The following LHFPL3 variants were observed in gnomAD, a reference collection of about 807,000 sequenced individuals.
LHFPL3 encodes the protein LHFPL tetraspan subfamily member 3, also known as LHFPL tetraspan subfamily member 3 protein.
A neutral mutation model predicts 19.3 loss-of-function variants in LHFPL3; 5 were observed. The ratio of observed to expected loss-of-function variants is 0.26; its 90% CI spans 0.14 to 0.54. LHFPL3 has a LOEUF of 0.54. Ranked by LOEUF, LHFPL3 falls within the 20% of genes least tolerant of loss-of-function variation. The pLI, the probability that LHFPL3 is intolerant of heterozygous loss-of-function variation, is 0.94. For synonymous variants in LHFPL3, 133 were observed against 126.2 expected (o/e 1.05, Z -0.36); for missense variants, 249 against 307.4 (o/e 0.81, Z 1.42).
intron 1 of LHFPL3, among the ~76,000 whole-genome samples, chr7:104,521,183 T>C (rs1794051209): frequency 6.6e-6 from 1 of 152,156 alleles, no homozygotes; most frequent in African/African-American, 2.4e-5. Flanking sequence ...ACATCTTTAT[T>C]TCTGCCTTCA....
chr7:104,679,470 G>A (rs1325890511), intron 1 of LHFPL3, among the ~76,000 whole-genome samples: 2 of 152,206 alleles, frequency 1.3e-5, no homozygotes, highest in African/African-American at 4.8e-5. Context: ...CCTCTCAAAG[G>A]CTGTATCAAG....
rs189516368 is a variant in LHFPL3 at position 104,686,756 on chromosome 7, C to T, written c.446-49919C>T. Among the ~76,000 whole-genome samples, 82 of 152,304 alleles carry T rather than the reference C, an allele frequency of 5.4e-4. No individual in the cohort carries two copies. The South Asian group carries it at 9.8e-3, about 18-fold the overall frequency. ...ATTTTCACGCTGCTATGAAGAAATACCTGAGACTGGGTAATTTATAAAGGA... is the reference window on the plus strand; with the variant it reads ...ATTTTCACGCTGCTATGAAGAAATATCTGAGACTGGGTAATTTATAAAGGA... On this transcript the variant is annotated intron_variant, in intron 1 of 2. Coordinates refer to ENST00000424859, the MANE Select transcript of LHFPL3 (RefSeq NM_199000.3).
chr7:104,679,002 T>C (rs947555517), intron 1 of LHFPL3, among the ~76,000 whole-genome samples: 3 of 152,252 alleles, frequency 2.0e-5, no homozygotes, highest in Admixed American at 2.0e-4. Flanking sequence ...TTATTAGTTA[T>C]TTATTGTTAC....
intron 1 of LHFPL3, among the ~76,000 whole-genome samples, chr7:104,728,289 C>T (rs908290864): frequency 1.3e-5 from 2 of 152,090 alleles, no homozygotes. Context: ...TGCGGTAAGG[C>T]AAGAGTTATA....
chr7:104,859,698 G>A (rs1057337458), intron 2 of LHFPL3, among the ~76,000 whole-genome samples: 7 of 152,128 alleles, frequency 4.6e-5, no homozygotes, highest in Non-Finnish European at 8.8e-5. Context: ...AGTATAAGTA[G>A]AGGTATGAAT....
intron 1 of LHFPL3, among the ~76,000 whole-genome samples, chr7:104,652,684 G>A (rs960996382): frequency 1.3e-4 from 20 of 152,292 alleles, no homozygotes; most frequent in Middle Eastern, 3.4e-3. Flanking sequence ...CTTGGAGGTG[G>A]TGAACGAGGG....
At chr7:104,889,459 G>A (rs892965623) in intron 2 of LHFPL3, among the ~76,000 whole-genome samples, 2 of 152,114 alleles carry the variant, frequency 1.3e-5, no homozygotes, top group African/African-American at 4.8e-5. Context: ...GGCCAACAAG[G>A]TGAAACCCCA....
At chr7:104,467,742 A>G (rs961523278) in intron 1 of LHFPL3, among the ~76,000 whole-genome samples, 1 of 152,224 alleles carries the variant, frequency 6.6e-6, no homozygotes, top group Non-Finnish European at 1.5e-5. Context: ...CAGATTAAAA[A>G]CATGGATTGA....
In LHFPL3 at chr7:104,503,760, G is replaced by A. The variant is rs184553494; in HGVS notation, c.445+174536G>A. Among the ~76,000 whole-genome samples the A allele has an allele frequency of 2.7e-3, 413 of 152,072 alleles. 2 individuals carry two copies. Among genetic ancestry groups the A allele is most frequent in the African/African-American group, 9.5e-3 (396 of 41,466 alleles). On this transcript the variant is annotated intron_variant, in intron 1 of 2. Coordinates refer to ENST00000424859, the MANE Select transcript of LHFPL3 (RefSeq NM_199000.3). ...AATTTTTGTATTTTTGGTAGATATG[G>A]GGTTTTGCCAGATTGCCTAGGCTGG...
intron 2 of LHFPL3, among the ~76,000 whole-genome samples, chr7:104,824,958 G>C (rs1007977488): frequency 7.0e-6 from 1 of 143,436 alleles, no homozygotes; most frequent in Non-Finnish European, 1.5e-5. Context: ...TAGGAGCTTT[G>C]GAAGCCCAGG....
At chr7:104,393,736 A>G (rs755760404) in intron 1 of LHFPL3, among the ~76,000 whole-genome samples, 3 of 152,138 alleles carry the variant, frequency 2.0e-5, no homozygotes, top group Admixed American at 2.0e-4. Flanking sequence ...AAAAAATCAT[A>G]TATTCATACA....
At chr7:104,552,092 C>T (rs1794671920) in intron 1 of LHFPL3, among the ~76,000 whole-genome samples, 1 of 152,142 alleles carries the variant, frequency 6.6e-6, no homozygotes, top group Non-Finnish European at 1.5e-5. Flanking sequence ...ACTTAATCTC[C>T]CTGTGCCTTG....
rs1024892640 is a variant in LHFPL3 at position 104,797,975 on chromosome 7, G to A, written c.682+61064G>A. Among the ~76,000 whole-genome samples, 4 of 152,076 alleles carry A rather than the reference G, an allele frequency of 2.6e-5. No individual in the cohort carries two copies. In the East Asian group the frequency reaches 5.8e-4, roughly 22 times the overall value. On this transcript the variant is annotated intron_variant, in intron 2 of 2. Transcript: ENST00000424859. ...AACAACAAACTATCAATAACGTCAC[G>A]GCAGCAGCTGATGTCAGCATTTGGC...
intron 2 of LHFPL3, among the ~76,000 whole-genome samples, chr7:104,897,308 G>A (rs1034766643): frequency 9.9e-5 from 15 of 152,092 alleles, no homozygotes; most frequent in African/African-American, 3.1e-4. Context: ...GTGCTTATGT[G>A]TGTGTGTTCA....
chr7:104,498,532 T>G (rs983035146), intron 1 of LHFPL3, among the ~76,000 whole-genome samples: 10 of 150,740 alleles, frequency 6.6e-5, no homozygotes, highest in African/African-American at 2.2e-4. Context: ...GGTCTCACTC[T>G]GTTGCCCAGG....
intron 1 of LHFPL3, among the ~76,000 whole-genome samples, chr7:104,486,607 T>C (rs1454237589): frequency 1.3e-5 from 2 of 152,162 alleles, no homozygotes; most frequent in African/African-American, 2.4e-5. Flanking sequence ...ACCATAACCC[T>C]GGGATTAGGA....
At chr7:104,764,881 A>T (rs1794430360) in intron 2 of LHFPL3, among the ~76,000 whole-genome samples, 1 of 152,236 alleles carries the variant, frequency 6.6e-6, no homozygotes, top group Non-Finnish European at 1.5e-5. Context: ...ATTGGCAAGA[A>T]AATTGATGTT....
At chr7:104,491,065 C>A (rs1400955367) in intron 1 of LHFPL3, among the ~76,000 whole-genome samples, 1 of 152,132 alleles carries the variant, frequency 6.6e-6, no homozygotes, top group Non-Finnish European at 1.5e-5. Flanking sequence ...AGATCCTGGT[C>A]TGGAAGAGCA....
chr7:104,427,517 C>G (rs897831012), intron 1 of LHFPL3, among the ~76,000 whole-genome samples: 2 of 152,130 alleles, frequency 1.3e-5, no homozygotes, highest in African/African-American at 2.4e-5. Flanking sequence ...AGGGTTTTTG[C>G]TTGAAACTAT....
Sources: allele counts gnomAD v4.1 joint callset (sites outside exome capture counted in the v4.1 genomes callset), GRCh38; gene constraint gnomAD v4.1.1; transcripts MANE v1.5; gene names NCBI Gene and HGNC (gene_info 2026-07-23, HGNC 2026-07-21).